The following PLOD2 variants were observed in gnomAD, a reference collection of about 807,000 sequenced individuals.
The protein encoded by PLOD2 is lysine hydroxylase 2.
PLOD2 carries 65 observed loss-of-function variants against 101.0 expected under a neutral mutation model. The ratio of observed to expected loss-of-function variants is 0.64; its 90% CI spans 0.53 to 0.79. The LOEUF is 0.79. Among genes scored for constraint, PLOD2 ranks in the 30% least tolerant of loss-of-function variants. The pLI, the probability that PLOD2 is intolerant of heterozygous loss-of-function variation, is 0.00. For synonymous variants in PLOD2, 314 were observed against 302.9 expected (o/e 1.04, Z -0.38); for missense variants, 909 against 914.6 (o/e 0.99, Z 0.08).
At chr3:146,106,453 C>T in intron 5 of PLOD2, 79 bp downstream of exon 5, 1 of 782,520 alleles carries the variant, frequency 1.3e-6, no homozygotes, top group South Asian at 1.4e-5. Flanking sequence ...ACCTTTGTTT[C>T]TGACCACTCC....
chr3:146,087,102 C>A (rs1487866056), intron 9 of PLOD2, among the ~76,000 whole-genome samples, 194 bp from the exon 10 acceptor site: 4 of 151,796 alleles, frequency 2.6e-5, no homozygotes, highest in Non-Finnish European at 5.9e-5. Flanking sequence ...ATCTTAAATA[C>A]ATATATATCA....
intron 3 of PLOD2, among the ~76,000 whole-genome samples, chr3:146,119,770 A>G (rs919664908): frequency 6.6e-6 from 1 of 151,992 alleles, no homozygotes; most frequent in Admixed American, 6.5e-5. Flanking sequence ...AAGGACATGA[A>G]CTCATCATTT....
chr3:146,150,640 T>C (rs757445727), intron 1 of PLOD2, among the ~76,000 whole-genome samples: 1 of 152,192 alleles, frequency 6.6e-6, no homozygotes, highest in African/African-American at 2.4e-5. Flanking sequence ...GCTTAATACC[T>C]GGGTGATGAA....
At position 146,161,001 on chromosome 3, in the gene PLOD2, G is replaced by T; in HGVS notation, c.-12C>A. 2 of 1,548,186 alleles carry T rather than the reference G, an allele frequency of 1.3e-6. No individual in the cohort carries two copies. Among genetic ancestry groups the T allele is most frequent in the Non-Finnish European group, 1.8e-6 (2 of 1,140,804 alleles). On this transcript the variant is annotated 5_prime_UTR_variant, in exon 1 of 20. Transcript: ENST00000282903. Reference sequence around the variant, plus strand: ...GTGCATCCCCCCATATTCGGCCCTCGAGGGCCGCGCGGGCTCAGGCGCCCA... The same window carrying T: ...GTGCATCCCCCCATATTCGGCCCTCTAGGGCCGCGCGGGCTCAGGCGCCCA...
chr3:146,074,730 G>T (rs77895089), intron 15 of PLOD2, among the ~76,000 whole-genome samples: 10,614 of 150,808 alleles, frequency 0.07, 524 homozygotes, highest in Non-Finnish European at 0.1. Flanking sequence ...AATCCCCTAA[G>T]ATTTTATTTT....
In PLOD2 at chr3:146,096,021, C is replaced by T. The variant is rs1208449662; in HGVS notation, c.778-4120G>A. Among the ~76,000 whole-genome samples, 5 of 147,366 alleles carry T rather than the reference C, an allele frequency of 3.4e-5. No homozygotes were observed. In the East Asian group the frequency reaches 6.3e-4, roughly 18 times the overall value. ...CCTGCCTCAGCCTGCCGAGTGCCTG[C>T]GATTGCAGGCGCGCGCCGCCACGCC... On this transcript the variant is annotated intron_variant, in intron 7 of 19. Transcript: ENST00000282903.
Position 146,073,361 on chromosome 3 carries a change from AG to A in PLOD2, c.1678-10del, listed in dbSNP as rs1370178997. ...TACTTTTCCTTCCAGTCCTATAAAA[AG>A]AAGTACATATTAAAACAAATATCTT... On this transcript the variant is annotated splice_polypyrimidine_tract_variant and intron_variant, in intron 15 of 19. Transcript: ENST00000282903. 1 of 1,005,238 alleles carries A rather than the reference AG, an allele frequency of 9.9e-7. No individual in the cohort carries two copies. The allele number at this position is 1,005,238 out of a possible 1,614,324, so 62.3% of individuals were successfully genotyped here.
In PLOD2 at chr3:146,106,515, T is replaced by C. The variant is rs372921739; in HGVS notation, c.615+17A>G. ...CAACCAAATCAATAAAACAAAAAAA[T>C]TGCAGCTGTTACACACCCTTTTCAG... On this transcript the variant is annotated intron_variant, in intron 5 of 19. Transcript: ENST00000282903. The C allele has an allele frequency of 8.8e-7, 1 of 1,138,522 alleles. No homozygotes were observed. The highest frequency in any genetic ancestry group is 1.3e-6 in the Non-Finnish European group (1 of 745,756). 70.5% of individuals were successfully genotyped at this position (1,138,522 alleles called of 1,614,324 possible).
In PLOD2 at chr3:146,081,755, A is replaced by C; in HGVS notation, c.1341T>G (p.Ile447Met). 2 of 1,608,982 alleles carry C rather than the reference A, an allele frequency of 1.2e-6. No individual in the cohort carries two copies. Among genetic ancestry groups the C allele is most frequent in the Non-Finnish European group, 1.7e-6 (2 of 1,175,508 alleles). The change falls in exon 12 of 20, where the codon ATT becomes ATG. Residue 447 changes from isoleucine (I) to methionine (M), a missense_variant. Ile to Met is a conservative substitution (Grantham distance 10, BLOSUM62 1). Transcript: ENST00000282903. ...YYARSEDYVD[I>M]VQGNRVGVWN... is the part of the protein sequence containing the mutation. ...TAACTTACACTCTATTCCCTTGAAC[A>C]ATATCCACATAATCTTCAGATCGTG...
At chr3:146,155,358 GTC>G (rs1362087334) in intron 1 of PLOD2, among the ~76,000 whole-genome samples, 3 of 148,448 alleles carry the variant, frequency 2.0e-5, no homozygotes, top group South Asian at 2.1e-4. Context: ...TTAAATAACA[GTC>G]TCTATAATTC....
intron 2 of PLOD2, among the ~76,000 whole-genome samples, chr3:146,123,097 T>C (rs1030848345): frequency 2.0e-4 from 31 of 152,188 alleles, no homozygotes; most frequent in Non-Finnish European, 1.0e-4. Context: ...AGCTGTTCTA[T>C]ATTAACACTT....
intron 1 of PLOD2, among the ~76,000 whole-genome samples, chr3:146,129,864 C>T (rs2030803547): frequency 6.6e-6 from 1 of 152,198 alleles, no homozygotes; most frequent in African/African-American, 2.4e-5. Flanking sequence ...TATAATAACT[C>T]TAACTCAAGT....
Position 146,094,142 on chromosome 3 carries a change from T to C in PLOD2, c.778-2241A>G, listed in dbSNP as rs141607665. On this transcript the variant is annotated intron_variant, in intron 7 of 19. Transcript: ENST00000282903. ...GGGCTACTAGGTGATAGTATTTTCC[T>C]GATTCTTCTTTCACAATATCAAAAT... Among the ~76,000 whole-genome samples the C allele has an allele frequency of 3.3e-5, 5 of 152,314 alleles. No homozygotes were observed. In the East Asian group the frequency reaches 7.7e-4, roughly 23 times the overall value.
intron 1 of PLOD2, among the ~76,000 whole-genome samples, chr3:146,154,603 T>C (rs2032216890): frequency 6.6e-6 from 1 of 152,230 alleles, no homozygotes; most frequent in African/African-American, 2.4e-5. Flanking sequence ...TTAAACCTAA[T>C]TTCTTATAGC....
In PLOD2 at chr3:146,070,535, C is replaced by T; in HGVS notation, c.*182G>A. ...TCAATCTGTGTTTTAAGGCTCAGAG[C>T]AGACATTAAGAAATATCAAACAATT... On this transcript the variant is annotated 3_prime_UTR_variant, in exon 20 of 20. Coordinates refer to ENST00000282903, the MANE Select transcript of PLOD2 (RefSeq NM_182943.3). 1 of 508,362 alleles carries T rather than the reference C, an allele frequency of 2.0e-6. No individual in the cohort carries two copies. The allele number at this position is 508,362 out of a possible 1,614,324, so 31.5% of individuals were successfully genotyped here.
chr3:146,107,516 A>T (rs1937555557), intron 4 of PLOD2, among the ~76,000 whole-genome samples: 1 of 152,098 alleles, frequency 6.6e-6, no homozygotes, highest in Non-Finnish European at 1.5e-5. Flanking sequence ...TAAAAGAATT[A>T]AAAAAATAGG....
At chr3:146,141,330 C>T (rs2031511607) in intron 1 of PLOD2, among the ~76,000 whole-genome samples, 1 of 152,018 alleles carries the variant, frequency 6.6e-6, no homozygotes, top group Admixed American at 6.6e-5. Flanking sequence ...CATACATTCC[C>T]CAGACGCAGT....
At chr3:146,113,542 T>A (rs985202170) in intron 3 of PLOD2, among the ~76,000 whole-genome samples, 3 of 152,208 alleles carry the variant, frequency 2.0e-5, no homozygotes, top group African/African-American at 7.2e-5. Flanking sequence ...ACTTTTATAA[T>A]TTCTTATGCC....
intron 3 of PLOD2, among the ~76,000 whole-genome samples, chr3:146,113,118 A>G (rs183518430): frequency 1.3e-5 from 2 of 152,224 alleles, no homozygotes; most frequent in South Asian, 4.1e-4. Flanking sequence ...AGTTGTTTGA[A>G]AAAGAGTTAT....
Sources: allele counts gnomAD v4.1 joint callset (sites outside exome capture counted in the v4.1 genomes callset), GRCh38; gene constraint gnomAD v4.1.1; transcripts MANE v1.5; gene names NCBI Gene and HGNC (gene_info 2026-07-23, HGNC 2026-07-21).